The following SLC4A1AP variants were observed in gnomAD, a reference collection of about 807,000 sequenced individuals.
SLC4A1AP encodes the protein solute carrier family 4 member 1 adaptor protein.
SLC4A1AP carries 64 observed loss-of-function variants against 89.7 expected under a neutral mutation model. The observed-to-expected ratio is 0.71, with a 90% confidence interval of 0.58 to 0.88. The LOEUF (loss-of-function observed/expected upper bound fraction) is 0.88. Among genes scored for constraint, SLC4A1AP ranks in the 40% least tolerant of loss-of-function variants. The pLI is 0.00. For synonymous variants in SLC4A1AP, 366 were observed against 353.3 expected (o/e 1.04, Z -0.40); for missense variants, 931 against 965.0 (o/e 0.96, Z 0.47).
intron 10 of SLC4A1AP, among the ~76,000 whole-genome samples, chr2:27,685,579 T>C (rs1360362957): frequency 1.3e-5 from 2 of 152,182 alleles, no homozygotes; most frequent in Non-Finnish European, 2.9e-5. Flanking sequence ...ACTGTGTGAG[T>C]TGGAGGGCAG....
intron 3 of SLC4A1AP, among the ~76,000 whole-genome samples, chr2:27,667,712 A>G (rs1008571921): frequency 1.3e-5 from 2 of 152,134 alleles, no homozygotes; most frequent in African/African-American, 4.8e-5. Flanking sequence ...AACTTCCTGT[A>G]GTTTTTTAAT....
At chr2:27,664,903 T>TAAA (rs60597294) in intron 1 of SLC4A1AP, among the ~76,000 whole-genome samples, 197 bp from the exon 2 acceptor site, 13 of 139,008 alleles carry the variant, frequency 9.4e-5, no homozygotes, top group African/African-American at 2.6e-4. Flanking sequence ...CCCTGTCTCT[T>TAAA]AAAAAAAAAA....
chr2:27,673,683 G>A (rs115650798), intron 5 of SLC4A1AP, among the ~76,000 whole-genome samples: 471 of 152,172 alleles, frequency 3.1e-3, no homozygotes, highest in African/African-American at 0.01. Flanking sequence ...TTGCCCAGGC[G>A]TGGGTACATC....
At chr2:27,672,655 A>C (rs568336408) in intron 5 of SLC4A1AP, among the ~76,000 whole-genome samples, 3 of 151,800 alleles carry the variant, frequency 2.0e-5, no homozygotes, top group African/African-American at 7.2e-5. Flanking sequence ...TAGTTTTTTT[A>C]TTTGGGGATG....
intron 5 of SLC4A1AP, among the ~76,000 whole-genome samples, chr2:27,673,758 A>G (rs1675468859): frequency 2.0e-5 from 3 of 152,130 alleles, no homozygotes; most frequent in Non-Finnish European, 4.4e-5. Context: ...TTAATGTACC[A>G]TCTTAACCTG....
chr2:27,665,182 TGGA>T (rs1442036598), exon 2 of SLC4A1AP: 23 of 1,613,574 alleles, frequency 1.4e-5, no homozygotes, highest in Middle Eastern at 1.6e-4. Flanking sequence ...CAAATATTGT[TGGA>T]GAAGAAGATG....
At chr2:27,674,773 G>A (rs1465457826) in intron 5 of SLC4A1AP, among the ~76,000 whole-genome samples, 3 of 146,946 alleles carry the variant, frequency 2.0e-5, no homozygotes, top group East Asian at 2.0e-4. Flanking sequence ...GTGCAGTGGC[G>A]CTTTCTCGGC....
At chr2:27,693,823 T>A (rs970849492) in intron 13 of SLC4A1AP, 69 bp downstream of exon 13, 4 of 1,190,306 alleles carry the variant, frequency 3.4e-6, no homozygotes, top group East Asian at 2.5e-5. Flanking sequence ...TAATATAGAT[T>A]TAAGGTTCAA....
chr2:27,664,062 G>A, exon 1 of SLC4A1AP: 2 of 1,614,210 alleles, frequency 1.2e-6, no homozygotes, highest in South Asian at 2.2e-5. Context: ...ACAGAAGGAA[G>A]GGCCCACTGC....
At chr2:27,667,199 T>G (rs1675343574) in intron 2 of SLC4A1AP, 69 bp from the exon 3 acceptor site, 5 of 1,495,182 alleles carry the variant, frequency 3.3e-6, no homozygotes, top group Non-Finnish European at 4.5e-6. Context: ...CCTGAGAGAA[T>G]AGTGGGTATC....
At chr2:27,693,994 G>C (rs1420258085) in intron 13 of SLC4A1AP, among the ~76,000 whole-genome samples, 1 of 152,082 alleles carries the variant, frequency 6.6e-6, no homozygotes, top group Non-Finnish European at 1.5e-5. Context: ...TTTTTTTAAA[G>C]TGTGAATGAT....
chr2:27,665,755 A>T (rs995740862), intron 2 of SLC4A1AP, among the ~76,000 whole-genome samples: 1 of 152,242 alleles, frequency 6.6e-6, no homozygotes, highest in Non-Finnish European at 1.5e-5. Context: ...CTGGTCCCTT[A>T]GCCAAAATAA....
In SLC4A1AP at chr2:27,664,146, C is replaced by CA. The variant is rs1419908041; in HGVS notation, c.395dup (p.Glu133GlyfsTer50). On this transcript the variant is annotated frameshift_variant, in exon 1 of 14. Transcript: ENST00000613058. LOFTEE classifies it high-confidence loss of function. ...GGACTGCGGTGATTTTAGGAGTCTA[C>CA]AGGAGGAGCAGTCGCGCCCCCCGAC... 6.2e-7 allele frequency: 1 copy of CA among 1,614,168 alleles called. No homozygotes were observed. Among genetic ancestry groups the CA allele is most frequent in the East Asian group, 2.2e-5 (1 of 44,882 alleles).
At chr2:27,688,072 G>T (rs1216751144) in intron 11 of SLC4A1AP, 52 bp downstream of exon 11, 2 of 1,474,386 alleles carry the variant, frequency 1.4e-6, no homozygotes, top group African/African-American at 2.8e-5. Flanking sequence ...TGGCTGACTG[G>T]TTTCATAAGG....
chr2:27,693,646 A>G, intron 12 of SLC4A1AP, 39 bp from the exon 13 acceptor site: 1 of 1,527,982 alleles, frequency 6.5e-7, no homozygotes, highest in Non-Finnish European at 8.9e-7. Context: ...TTCTGGAGAG[A>G]AATTCTTGTG....
In SLC4A1AP at chr2:27,691,223, C is replaced by CT. The variant is rs77056072; in HGVS notation, c.2272-2457dup. 6.2e-4 allele frequency among the ~76,000 whole-genome samples: 94 copies of CT among 152,028 alleles called. 2 individuals are homozygous for CT. The East Asian group carries it at 0.016, about 27-fold the overall frequency. On this transcript the variant is annotated intron_variant, in intron 12 of 13. Transcript: ENST00000613058. ...TTTAATTACTGACTCAATCTCACTG[C>CT]TTTTTATTGGTTTGGTCAGGATTTC...
At chr2:27,681,441 G>A (rs1186276235) in intron 8 of SLC4A1AP, among the ~76,000 whole-genome samples, 1 of 152,110 alleles carries the variant, frequency 6.6e-6, no homozygotes, top group East Asian at 1.9e-4. Flanking sequence ...TGCCATTACT[G>A]TCCTTATATT....
chr2:27,685,515 A>C (rs1675690982), intron 10 of SLC4A1AP, among the ~76,000 whole-genome samples: 1 of 152,206 alleles, frequency 6.6e-6, no homozygotes, highest in Non-Finnish European at 1.5e-5. Flanking sequence ...CAGAAAATTG[A>C]AGGCTATGGA....
intron 2 of SLC4A1AP, 55 bp downstream of exon 2, chr2:27,665,350 T>A (rs1675297245): frequency 1.4e-6 from 2 of 1,438,018 alleles, no homozygotes; most frequent in African/African-American, 2.9e-5. Flanking sequence ...TTACAAGTGG[T>A]ACCCTTAAAT....
Sources: gnomAD v4.1 joint callset for allele counts (sites outside exome capture counted in the v4.1 genomes callset) on GRCh38, gnomAD v4.1.1 for gene constraint, MANE v1.5 for transcripts, NCBI Gene and HGNC (gene_info 2026-07-23, HGNC 2026-07-21) for gene names.